Variants in TMEM40 observed in about 807,000 individuals in gnomAD.
TMEM40 encodes the protein transmembrane protein 40.
TMEM40 carries 34 observed loss-of-function variants against 40.8 expected under a neutral mutation model. The ratio of observed to expected loss-of-function variants is 0.83; its 90% CI spans 0.63 to 1.11. TMEM40 has a LOEUF of 1.11. TMEM40 is among the 50% of genes least tolerant of loss of function. The pLI is 0.00. For missense variants in TMEM40, 296 were observed against 280.2 expected, an observed-to-expected ratio of 1.06 and a Z score of -0.40; for synonymous variants, 106 against 107.0, an observed-to-expected ratio of 0.99 and a Z score of 0.06.
chr3:12,740,780 C>T (rs1158026528), intron 5 of TMEM40, among the ~76,000 whole-genome samples: 2 of 151,560 alleles, frequency 1.3e-5, no homozygotes, highest in Non-Finnish European at 2.9e-5. Context: ...ATCGCTTGAG[C>T]CCAGGAGGTG....
At chr3:12,764,324 T>C (rs1288945869) in intron 1 of TMEM40, among the ~76,000 whole-genome samples, 6 of 152,188 alleles carry the variant, frequency 3.9e-5, no homozygotes, top group African/African-American at 1.4e-4. Context: ...GTCCATTTCA[T>C]GGATGAGAAA....
chr3:12,735,071 G>A (rs1016484593), intron 11 of TMEM40, among the ~76,000 whole-genome samples: 1 of 152,134 alleles, frequency 6.6e-6, no homozygotes, highest in African/African-American at 2.4e-5. Flanking sequence ...CAAGAAAGAC[G>A]ATGTGCTTTC....
At chr3:12,739,713 G>A (rs988452417) in intron 5 of TMEM40, among the ~76,000 whole-genome samples, 1 of 152,028 alleles carries the variant, frequency 6.6e-6, no homozygotes, top group Non-Finnish European at 1.5e-5. Flanking sequence ...GAACTACTAT[G>A]CCTAACTTTG....
intron 1 of TMEM40, among the ~76,000 whole-genome samples, chr3:12,767,667 C>G (rs756508541): frequency 1.3e-5 from 2 of 152,210 alleles, no homozygotes; most frequent in African/African-American, 2.4e-5. Flanking sequence ...CTGAACTCCA[C>G]TGCTCTGAGC....
upstream of TMEM40, among the ~76,000 whole-genome samples, chr3:12,760,363 C>T (rs1206551476): frequency 6.6e-6 from 1 of 152,182 alleles, no homozygotes; most frequent in Non-Finnish European, 1.5e-5. Flanking sequence ...ATCTTCCCCA[C>T]ACCTCTGGCC....
chr3:12,758,069 T>A (rs1175886886), intron 1 of TMEM40, among the ~76,000 whole-genome samples: 12 of 139,306 alleles, frequency 8.6e-5, no homozygotes, highest in Middle Eastern at 3.7e-3. Flanking sequence ...ATCTGTTATT[T>A]AAAAAAAAAA....
Position 12,743,961 on chromosome 3 carries a change from T to A in TMEM40, c.240A>T (p.Arg80Ser), listed in dbSNP as rs1473359782. The A allele has an allele frequency of 1.2e-6, 2 of 1,613,232 alleles. No homozygotes were observed. The highest frequency in any genetic ancestry group is 1.7e-6 in the Non-Finnish European group (2 of 1,179,748). ...SESNDEDQQPRATGKHRRSLG... is the reference protein window; with the variant it reads ...SESNDEDQQPSATGKHRRSLG... Reference sequence around the variant, plus strand: ...GGCTCCGTCGATGTTTTCCGGTTGCTCTGGGTTGCTGGTCCTCATCATTGC... The same window carrying A: ...GGCTCCGTCGATGTTTTCCGGTTGCACTGGGTTGCTGGTCCTCATCATTGC... Residue 80 changes from arginine to serine, a missense_variant, in exon 4 of 12, where the codon AGA becomes AGT. Coordinates refer to ENST00000314124, the MANE Select transcript of TMEM40 (RefSeq NM_018306.4).
upstream of TMEM40, among the ~76,000 whole-genome samples, chr3:12,763,278 A>G (rs1178150524): frequency 1.3e-5 from 2 of 151,586 alleles, no homozygotes; most frequent in Non-Finnish European, 1.5e-5. Flanking sequence ...TCCCTCCCTG[A>G]GCCTTAGTTT....
Position 12,733,718 on chromosome 3 carries a change from A to C in TMEM40, c.*1056T>G, listed in dbSNP as rs1370756899. The C allele has an allele frequency of 6.6e-6, 1 of 152,086 alleles. No individual in the cohort carries two copies. The highest frequency in any genetic ancestry group is 2.4e-5 in the African/African-American group (1 of 41,410). The allele number at this position is 152,086 out of a possible 1,614,324, so 9.4% of individuals were successfully genotyped here. On this transcript the variant is annotated 3_prime_UTR_variant, in exon 12 of 12. Transcript: ENST00000314124. ...AAGTTCAGGATATCAATCACATAGC[A>C]TGGTGACCATAGTTAATAACAATGT...
chr3:12,736,415 G>T, intron 10 of TMEM40, among the ~76,000 whole-genome samples, 163 bp downstream of exon 10: 1 of 152,110 alleles, frequency 6.6e-6, no homozygotes, highest in East Asian at 1.9e-4. Flanking sequence ...CTCCCAAAGT[G>T]CTGGGATTAC....
chr3:12,750,998 G>C (rs2061471061), intron 1 of TMEM40, among the ~76,000 whole-genome samples: 1 of 152,104 alleles, frequency 6.6e-6, no homozygotes, highest in African/African-American at 2.4e-5. Context: ...CTGTGTCTTA[G>C]AGCCAGATTG....
At chr3:12,760,143 C>T (rs2061558906), upstream of TMEM40, among the ~76,000 whole-genome samples, 1 of 152,106 alleles carries the variant, frequency 6.6e-6, no homozygotes, top group Non-Finnish European at 1.5e-5. Flanking sequence ...GAATTCAGCC[C>T]CTTCTCTCCA....
chr3:12,740,797 G>A (rs1196814265), intron 5 of TMEM40, among the ~76,000 whole-genome samples: 1 of 152,072 alleles, frequency 6.6e-6, no homozygotes, highest in East Asian at 1.9e-4. Context: ...GGTGGAGGTT[G>A]CAGTGAGCCG....
At chr3:12,757,455 C>G (rs9878099) in intron 1 of TMEM40, among the ~76,000 whole-genome samples, 99,737 of 148,184 alleles carry the variant, frequency 0.67, 35,187 homozygotes, top group African/African-American at 0.89. Context: ...GGCAACAAGA[C>G]TGAAACTCCG....
intron 11 of TMEM40, among the ~76,000 whole-genome samples, chr3:12,735,319 C>T (rs1481908193): frequency 6.6e-6 from 1 of 152,220 alleles, no homozygotes; most frequent in Non-Finnish European, 1.5e-5. Context: ...CCATTCCTCA[C>T]TTGATCTTCA....
At position 12,742,501 on chromosome 3, in the gene TMEM40, C is replaced by T; in HGVS notation, c.308G>A (p.Gly103Glu). 3 of 1,613,890 alleles carry T rather than the reference C, an allele frequency of 1.9e-6. No homozygotes were observed. The highest frequency in any genetic ancestry group is 2.5e-6 in the Non-Finnish European group (3 of 1,179,900). Residue 103 changes from glycine (G) to glutamate (E), a missense_variant, in exon 5 of 12, where the codon GGG (glycine) becomes GAG (glutamate). Transcript: ENST00000314124. ...CTTCAAAACGTCAGGCTCCCCATGC[C>T]CAGGACCTGGATGGAGACAAACCCC... is the stretch of plus-strand genomic sequence containing the variant. ...YPHGNGSPGP[G>E]HGEPDVLKDE... is the part of the protein sequence containing the mutation.
intron 1 of TMEM40, 142 bp from the exon 2 acceptor site, chr3:12,749,982 T>C: frequency 1.2e-6 from 1 of 868,082 alleles, no homozygotes; most frequent in East Asian, 2.7e-5. Flanking sequence ...AAAATGGTAG[T>C]TCTGTTGGCA....
chr3:12,753,701 C>T (rs940273490), intron 1 of TMEM40, among the ~76,000 whole-genome samples: 3 of 152,216 alleles, frequency 2.0e-5, no homozygotes, highest in Non-Finnish European at 2.9e-5. Flanking sequence ...GTGGCCCCCA[C>T]ATCCAAGGCT....
At chr3:12,738,860 A>C in intron 5 of TMEM40, 1 of 436,866 alleles carries the variant, frequency 2.3e-6, no homozygotes, top group Non-Finnish European at 4.2e-6. Context: ...CTTCCCAATT[A>C]TGAAAAAGTT....
Sources: allele counts gnomAD v4.1 joint callset (sites outside exome capture counted in the v4.1 genomes callset), GRCh38; gene constraint gnomAD v4.1.1; transcripts MANE v1.5; gene names NCBI Gene and HGNC (gene_info 2026-07-23, HGNC 2026-07-21).